The following XPO1 variants were observed in gnomAD, a reference collection of about 807,000 sequenced individuals.
XPO1 encodes exportin 1, also known as exportin-1.
In XPO1, 5 loss-of-function variants were observed where a neutral mutation model predicts 133.3. The observed-to-expected ratio is 0.04, with a 90% CI of 0.02 to 0.08. The LOEUF (loss-of-function observed/expected upper bound fraction) is 0.08, where lower values mean the gene tolerates loss of function less well. Among genes scored for constraint, XPO1 ranks in the 10% least tolerant of loss-of-function variants. The probability of loss-of-function intolerance (pLI) is 1.00; values close to 1 mark genes in which losing one functional copy is unlikely to be tolerated. For missense variants in XPO1, 506 were observed against 1,267.5 expected (o/e 0.40, Z 9.12); for synonymous variants, 419 against 408.2 (o/e 1.03, Z -0.32).
chr2:61,483,203 G>T, intron 21 of XPO1, 112 bp from the exon 22 acceptor site: 3 of 1,181,378 alleles, frequency 2.5e-6, no homozygotes, highest in Admixed American at 2.6e-5. Flanking sequence ...CTTTTTTTTG[G>T]GATGATGACT....
intron 17 of XPO1, 81 bp from the exon 18 acceptor site, chr2:61,488,852 A>C: frequency 6.7e-7 from 1 of 1,492,994 alleles, no homozygotes; most frequent in South Asian, 1.2e-5. Flanking sequence ...CTGTAATCCC[A>C]GCACTCTGAG....
At chr2:61,535,910 ATTAT>A (rs1699338467) in intron 1 of XPO1, among the ~76,000 whole-genome samples, 1 of 152,244 alleles carries the variant, frequency 6.6e-6, no homozygotes, top group Admixed American at 6.5e-5. Flanking sequence ...AACAATCTTA[ATTAT>A]TTGAGGCTTA....
At position 61,491,455 on chromosome 2, in the gene XPO1, A is replaced by ACACAC. The variant is rs1558637988; in HGVS notation, c.1887+579_1887+580insGTGTG. Among the ~76,000 whole-genome samples, 456 of 91,294 alleles carry ACACAC rather than the reference A, an allele frequency of 5.0e-3. 2 individuals are homozygous for ACACAC. Among genetic ancestry groups the ACACAC allele is most frequent in the African/African-American group, 0.02 (431 of 21,724 alleles). 59.9% of individuals were successfully genotyped at this position (91,294 alleles called of 152,430 possible). ...GACAGAGTGAAACTCCATCTCAAAA[A>ACACAC]ACAAACACACACACACACACACACA... On this transcript the variant is annotated intron_variant, in intron 16 of 24. Transcript: ENST00000401558.
At chr2:61,519,698 CAAAAA>C (rs753424450) in intron 4 of XPO1, among the ~76,000 whole-genome samples, 2 of 72,774 alleles carry the variant, frequency 2.7e-5, no homozygotes, top group East Asian at 3.3e-4. Context: ...GACTCCGTCT[CAAAAA>C]AAAAAAAAAA....
At position 61,494,307 on chromosome 2, in the gene XPO1, T is replaced by A. The variant is rs1573133782; in HGVS notation, c.1048-216A>T. ...CAAAAATCTCTCACATAGTAGTTGA[T>A]CAATATGTATTTTTATCATGTCTCC... On this transcript the variant is annotated intron_variant, in intron 11 of 24. Transcript: ENST00000401558. 8.7e-6 allele frequency: 4 copies of A among 458,976 alleles called. No individual in the cohort carries two copies. In the East Asian group the frequency reaches 1.6e-4, roughly 18 times the overall value. The allele number at this position is 458,976 out of a possible 1,614,324, so 28.4% of individuals were successfully genotyped here.
chr2:61,483,838 C>T (rs1696536586), intron 21 of XPO1, 99 bp downstream of exon 21: 3 of 1,377,342 alleles, frequency 2.2e-6, no homozygotes, highest in Non-Finnish European at 1.0e-6. Flanking sequence ...AATTCACACA[C>T]TCAAAACTCT....
chr2:61,503,586 G>A (rs749592009), intron 4 of XPO1, among the ~76,000 whole-genome samples: 3 of 152,168 alleles, frequency 2.0e-5, no homozygotes, highest in South Asian at 2.1e-4. Flanking sequence ...CACCATGCTC[G>A]GCTATTTTTT....
At chr2:61,488,436 G>A in intron 18 of XPO1, 152 bp downstream of exon 18, 3 of 1,132,024 alleles carry the variant, frequency 2.7e-6, no homozygotes, top group Non-Finnish European at 3.8e-6. Context: ...AAAAGGGAAA[G>A]GTACACTTAA....
intron 4 of XPO1, among the ~76,000 whole-genome samples, chr2:61,510,414 A>G (rs921050478): frequency 2.0e-5 from 3 of 152,244 alleles, no homozygotes; most frequent in African/African-American, 7.2e-5. Flanking sequence ...TAATAAGAAC[A>G]ATGCCACATG....
At chr2:61,525,213 A>G in intron 3 of XPO1, 1 of 966,800 alleles carries the variant, frequency 1.0e-6, no homozygotes, top group East Asian at 1.1e-4. Context: ...CCCACCGCCC[A>G]TGAAACAAAA....
chr2:61,535,498 G>A (rs573886431), intron 1 of XPO1, among the ~76,000 whole-genome samples: 2 of 151,896 alleles, frequency 1.3e-5, no homozygotes, highest in African/African-American at 4.8e-5. Flanking sequence ...TTGGCAGGGC[G>A]GAAAAAAAGT....
intron 4 of XPO1, among the ~76,000 whole-genome samples, chr2:61,505,391 AC>A (rs1697749911): frequency 1.4e-5 from 1 of 73,416 alleles, no homozygotes; most frequent in Non-Finnish European, 2.3e-5. Context: ...CAACATTCTC[AC>A]TTTTTTTTTT....
At chr2:61,491,319 G>A (rs1408105546) in intron 16 of XPO1, among the ~76,000 whole-genome samples, 1 of 151,378 alleles carries the variant, frequency 6.6e-6, no homozygotes, top group Non-Finnish European at 1.5e-5. Context: ...AAATTAGCTG[G>A]GCGTGGTGGC....
intron 2 of XPO1, among the ~76,000 whole-genome samples, chr2:61,528,511 T>A (rs1190782869): frequency 1.3e-5 from 2 of 151,762 alleles, no homozygotes; most frequent in Non-Finnish European, 2.9e-5. Context: ...CGTGCGCCTA[T>A]AGTCCCAGCT....
In XPO1 at chr2:61,492,615, T is replaced by A. The variant is rs774389345; in HGVS notation, c.1518A>T (p.Gly506=). ...GTTTTTCGTCCTCTTCATGCATTGC[T>A]CCACTAATGGAGCCTATTGCCCAAC... ...TLCWAIGSIS[G]AMHEEDEKRF... is the part of the protein sequence containing the mutation. The change falls in exon 14 of 25, where the codon GGA becomes GGT. Residue 506 remains glycine, a synonymous_variant. Transcript: ENST00000401558. This position sits in a 1 kb window ranked among gnomAD's most constrained non-coding sequence, Gnocchi z 5.6. The A allele has an allele frequency of 6.8e-6, 11 of 1,613,900 alleles. No individual in the cohort carries two copies. Among genetic ancestry groups the A allele is most frequent in the Non-Finnish European group, 8.5e-6 (10 of 1,179,946 alleles).
At chr2:61,482,918 C>T (rs1224993414) in intron 22 of XPO1, 39 bp downstream of exon 22, 6 of 1,611,444 alleles carry the variant, frequency 3.7e-6, no homozygotes, top group Non-Finnish European at 5.1e-6. Context: ...GCCCTGTGCC[C>T]AGCTGGCACT....
At chr2:61,493,828 A>C in intron 12 of XPO1, 66 bp downstream of exon 12, 2 of 1,513,416 alleles carry the variant, frequency 1.3e-6, no homozygotes, top group Non-Finnish European at 9.1e-7. Context: ...GATTAGAAGT[A>C]TTTGGATTCA....
chr2:61,495,497 T>C lies in XPO1; in HGVS notation c.1005A>G (p.Gln335=), dbSNP rs756064306. 4.4e-6 allele frequency: 7 copies of C among 1,577,478 alleles called. No individual in the cohort carries two copies. In the East Asian group the frequency reaches 1.1e-4, roughly 26 times the overall value. ...FLCTFLKEHD[Q]LIEKRLNLRE... ...TGAGATTTAATCTTTTTTCTATAAG[T>C]TGATCATGTTCCTTAAGAAAGGTGC... Residue 335 remains glutamine, a synonymous_variant, in exon 11 of 25, where the codon CAA becomes CAG. Coordinates refer to ENST00000401558, the MANE Select transcript of XPO1 (RefSeq NM_003400.4).
chr2:61,519,806 T>C (rs1698602643), intron 4 of XPO1, among the ~76,000 whole-genome samples: 1 of 149,876 alleles, frequency 6.7e-6, no homozygotes, highest in African/African-American at 2.5e-5. Flanking sequence ...AATGCAGGAA[T>C]CTAATTTTGG....
Sources: gnomAD v4.1 joint callset for allele counts (sites outside exome capture counted in the v4.1 genomes callset) on GRCh38, gnomAD v4.1.1 for gene constraint, Gnocchi (gnomAD v3.1) non-coding constraint, MANE v1.5 for transcripts, NCBI Gene and HGNC (gene_info 2026-07-23, HGNC 2026-07-21) for gene names.